Variants in KIF16B observed in about 807,000 individuals in gnomAD.
KIF16B encodes the protein kinesin family member 16B, also known as kinesin-like protein KIF16B.
In KIF16B, 98 loss-of-function variants were observed where a neutral mutation model predicts 156.3. The ratio of observed to expected loss-of-function variants is 0.63; its 90% CI spans 0.53 to 0.74. The LOEUF (loss-of-function observed/expected upper bound fraction) is 0.74. Among genes scored for constraint, KIF16B ranks in the 30% least tolerant of loss-of-function variants. The pLI, the probability that KIF16B is intolerant of heterozygous loss-of-function variation, is 0.00. For synonymous variants in KIF16B, 564 were observed against 583.7 expected, an observed-to-expected ratio of 0.97 and a Z score of 0.49; for missense variants, 1,421 against 1,606.5, an observed-to-expected ratio of 0.88 and a Z score of 1.97.
chr20:16,381,596 G>A (rs2065097843), intron 18 of KIF16B, 98 bp downstream of exon 18: 4 of 818,712 alleles, frequency 4.9e-6, no homozygotes, highest in Non-Finnish European at 7.7e-6. Context: ...CAGAGCAAGG[G>A]GGAAGTATTG....
chr20:16,457,533 C>T (rs1055443061), intron 12 of KIF16B, among the ~76,000 whole-genome samples: 3 of 152,180 alleles, frequency 2.0e-5, no homozygotes, highest in Admixed American at 2.0e-4. Context: ...GTCCTGAATA[C>T]ATCCAGCTGT....
intron 8 of KIF16B, 31 bp from the exon 9 acceptor site, chr20:16,505,884 G>C (rs547697037): frequency 8.1e-6 from 13 of 1,608,980 alleles, no homozygotes; most frequent in South Asian, 5.5e-5. Context: ...AGGGGAGAAA[G>C]GACAATTAGT....
At chr20:16,388,604 A>C (rs2065281767) in intron 17 of KIF16B, among the ~76,000 whole-genome samples, 1 of 152,158 alleles carries the variant, frequency 6.6e-6, no homozygotes, top group Non-Finnish European at 1.5e-5. Flanking sequence ...TAAGTCCAAC[A>C]AAAAAAGCAT....
chr20:16,534,106 A>T (rs990235388), intron 1 of KIF16B, among the ~76,000 whole-genome samples: 5 of 152,054 alleles, frequency 3.3e-5, no homozygotes, highest in Non-Finnish European at 4.4e-5. Flanking sequence ...AAAAATACAA[A>T]AATTAGCCGA....
chr20:16,370,417 A>G (rs967463868), intron 22 of KIF16B, among the ~76,000 whole-genome samples, 169 bp downstream of exon 22: 2 of 152,232 alleles, frequency 1.3e-5, no homozygotes, highest in African/African-American at 4.8e-5. Context: ...TTCAAACTAC[A>G]GGATTCCGTT....
intron 19 of KIF16B, among the ~76,000 whole-genome samples, chr20:16,378,381 T>G: frequency 6.9e-6 from 1 of 144,032 alleles, no homozygotes; most frequent in African/African-American, 2.6e-5. Flanking sequence ...AGGAAATAGA[T>G]GCAATGGAAG....
intron 25 of KIF16B, among the ~76,000 whole-genome samples, chr20:16,299,227 T>G (rs1010774839): frequency 6.6e-6 from 1 of 152,160 alleles, no homozygotes; most frequent in East Asian, 1.9e-4. Flanking sequence ...TGTGTGCGTG[T>G]GTGTGTGTAT....
intron 1 of KIF16B, among the ~76,000 whole-genome samples, chr20:16,551,195 G>A (rs546105255): frequency 6.8e-6 from 1 of 147,060 alleles, no homozygotes; most frequent in Admixed American, 7.0e-5. Context: ...GCAATGGCAC[G>A]ATCTCAGCTC....
chr20:16,377,870 G>A (rs2064992060), intron 19 of KIF16B, among the ~76,000 whole-genome samples: 1 of 152,138 alleles, frequency 6.6e-6, no homozygotes, highest in Non-Finnish European at 1.5e-5. Context: ...GAAAATAGGT[G>A]AAGGAAGATA....
chr20:16,365,521 A>C (rs1440979162), intron 22 of KIF16B, among the ~76,000 whole-genome samples: 2 of 152,220 alleles, frequency 1.3e-5, no homozygotes. Flanking sequence ...ACATGGCTGC[A>C]GCCACCAGTC....
At chr20:16,490,173 A>C (rs1294596618) in intron 12 of KIF16B, among the ~76,000 whole-genome samples, 10 of 152,180 alleles carry the variant, frequency 6.6e-5, no homozygotes. Flanking sequence ...TTGGAGACAG[A>C]GCCTTTCATT....
At chr20:16,392,286 T>C (rs1388734069) in intron 17 of KIF16B, among the ~76,000 whole-genome samples, 1 of 152,222 alleles carries the variant, frequency 6.6e-6, no homozygotes, top group South Asian at 2.1e-4. Flanking sequence ...TTTAATATCA[T>C]GGGATTCTAT....
At chr20:16,472,682 T>C (rs1431557554) in intron 12 of KIF16B, among the ~76,000 whole-genome samples, 1 of 152,006 alleles carries the variant, frequency 6.6e-6, no homozygotes, top group Non-Finnish European at 1.5e-5. Context: ...TTACCAACTT[T>C]CCCATGATAA....
chr20:16,413,117 A>C (rs1045943455), intron 15 of KIF16B, among the ~76,000 whole-genome samples: 1 of 152,148 alleles, frequency 6.6e-6, no homozygotes, highest in African/African-American at 2.4e-5. Flanking sequence ...CAGTGTGATT[A>C]ACAGCAGCAG....
intron 12 of KIF16B, among the ~76,000 whole-genome samples, chr20:16,482,153 G>A (rs1474092553): frequency 6.6e-6 from 1 of 151,954 alleles, no homozygotes; most frequent in Non-Finnish European, 1.5e-5. Context: ...TGCAACTTAG[G>A]CCCTTATTCT....
chr20:16,287,847 A>G (rs1261408374), intron 25 of KIF16B, among the ~76,000 whole-genome samples: 1 of 152,200 alleles, frequency 6.6e-6, no homozygotes, highest in Non-Finnish European at 1.5e-5. Flanking sequence ...TGGAAAGAGA[A>G]GAATTGAGTT....
At chr20:16,284,184 TA>T in intron 25 of KIF16B, among the ~76,000 whole-genome samples, 1 of 152,194 alleles carries the variant, frequency 6.6e-6, no homozygotes, top group South Asian at 2.1e-4. Flanking sequence ...AACAGCTAGC[TA>T]ATTACACAGG....
intron 12 of KIF16B, among the ~76,000 whole-genome samples, chr20:16,447,800 G>A (rs2066974277): frequency 6.6e-6 from 1 of 152,082 alleles, no homozygotes; most frequent in Non-Finnish European, 1.5e-5. Context: ...ACCCTGAGGA[G>A]TTTTATCGAT....
Position 16,397,842 on chromosome 20 carries a change from G to A in KIF16B, c.1784+6971C>T, listed in dbSNP as rs531387210. Among the ~76,000 whole-genome samples, 8 of 152,342 alleles carry A rather than the reference G, an allele frequency of 5.3e-5. No individual in the cohort carries two copies. In the South Asian group the frequency reaches 1.4e-3, roughly 28 times the overall value. On this transcript the variant is annotated intron_variant, in intron 17 of 25. Transcript: ENST00000354981. ...TAGAAAACAGCACACAGGGACCACT[G>A]ACAAAAGACCTGGGCAGACCTGTGA... is the stretch of plus-strand genomic sequence containing the variant.
Sources: gnomAD v4.1 joint callset for allele counts (sites outside exome capture counted in the v4.1 genomes callset) on GRCh38, gnomAD v4.1.1 for gene constraint, MANE v1.5 for transcripts, NCBI Gene and HGNC (gene_info 2026-07-23, HGNC 2026-07-21) for gene names.